Variants in MINDY3 observed in about 807,000 individuals in gnomAD.
MINDY3 encodes ubiquitin carboxyl-terminal hydrolase MINDY-3.
In MINDY3, 38 loss-of-function variants were observed where a neutral mutation model predicts 69.2. That is an observed-to-expected ratio of 0.55 (90% CI 0.42 to 0.72). The LOEUF (loss-of-function observed/expected upper bound fraction) is 0.72. Among genes scored for constraint, MINDY3 ranks in the 30% least tolerant of loss-of-function variants. The pLI is 0.00. For synonymous variants in MINDY3, 192 were observed against 180.1 expected, an observed-to-expected ratio of 1.07 and a Z score of -0.53; for missense variants, 522 against 519.0, an observed-to-expected ratio of 1.01 and a Z score of -0.06.
At position 15,834,622 on chromosome 10, in the gene MINDY3, G is replaced by C; in HGVS notation, c.577-6C>G. 6.3e-7 allele frequency: 1 copy of C among 1,596,910 alleles called. No homozygotes were observed. Among genetic ancestry groups the C allele is most frequent in the Non-Finnish European group, 8.6e-7 (1 of 1,166,070 alleles). ...TTTTTTATGTTTTCAATGCCCTAAA[G>C]AAACAGAATTCATTGACTTATTTTA... On this transcript the variant is annotated splice_region_variant and splice_polypyrimidine_tract_variant and intron_variant, in intron 6 of 14. Coordinates refer to ENST00000277632, the MANE Select transcript of MINDY3 (RefSeq NM_024948.4).
In MINDY3 at chr10:15,820,684, A is replaced by G. The variant is rs192019776; in HGVS notation, c.801+972T>C. On this transcript the variant is annotated intron_variant, in intron 9 of 14. Transcript: ENST00000277632. ...AATCCAATTTGATTATCATATGCATATCACCCAGTGTTCAAGTGAAACATG... is the reference window on the plus strand; with the variant it reads ...AATCCAATTTGATTATCATATGCATGTCACCCAGTGTTCAAGTGAAACATG... 1.5e-4 allele frequency among the ~76,000 whole-genome samples: 23 copies of G among 152,370 alleles called. 1 individual carries two copies. The East Asian group carries it at 2.1e-3, about 14-fold the overall frequency.
chr10:15,860,285 A>G lies in MINDY3; in HGVS notation c.15T>C (p.Thr5=). ...CCCACACCAGCTCCATCAGCTCTTT[A>G]GTCAGTTCGGACATGATGAGGAACC... MSEL[T]KELMELVWGT... is the part of the protein sequence containing the mutation. Residue 5 remains threonine (T), a synonymous_variant, in exon 1 of 15, where the codon ACT becomes ACC. Transcript: ENST00000277632. The G allele has an allele frequency of 6.2e-7, 1 of 1,606,722 alleles. No individual in the cohort carries two copies. Among genetic ancestry groups the G allele is most frequent in the Non-Finnish European group, 8.5e-7 (1 of 1,176,698 alleles).
chr10:15,821,774 G>A (rs779129875), intron 8 of MINDY3, 48 bp from the exon 9 acceptor site: 66 of 1,486,040 alleles, frequency 4.4e-5, no homozygotes, highest in Non-Finnish European at 5.6e-5. Context: ...TAGCATTGTA[G>A]TAGTGTGTAT....
chr10:15,811,509 A>G (rs191815058), intron 10 of MINDY3, among the ~76,000 whole-genome samples: 1 of 152,306 alleles, frequency 6.6e-6, no homozygotes, highest in Admixed American at 6.5e-5. Context: ...ATTCACTTCT[A>G]ACACAACACA....
At position 15,833,713 on chromosome 10, in the gene MINDY3, T is replaced by C. The variant is rs1269707662; in HGVS notation, c.651-4A>G. The C allele has an allele frequency of 1.3e-6, 2 of 1,580,062 alleles. No homozygotes were observed. The highest frequency in any genetic ancestry group is 1.1e-5 in the South Asian group (1 of 90,048). On this transcript the variant is annotated splice_region_variant and splice_polypyrimidine_tract_variant and intron_variant, in intron 7 of 14. Transcript: ENST00000277632. ...CAGGAGATTAATTAAACTTTGGCTA[T>C]TAATAAATATTAAAAAGCAATTAAA...
chr10:15,779,379 G>T (rs1022000463), intron 14 of MINDY3, among the ~76,000 whole-genome samples: 1 of 152,040 alleles, frequency 6.6e-6, no homozygotes, highest in Admixed American at 6.6e-5. Context: ...AAAAATTCAA[G>T]ATCATGTGAA....
intron 10 of MINDY3, among the ~76,000 whole-genome samples, chr10:15,803,594 T>C (rs901175797): frequency 1.3e-5 from 2 of 152,170 alleles, no homozygotes; most frequent in Non-Finnish European, 2.9e-5. Context: ...TTAGGTTCCA[T>C]ATGTAGTATA....
At chr10:15,798,797 C>CAA (rs1838037550) in intron 10 of MINDY3, among the ~76,000 whole-genome samples, 2 of 151,598 alleles carry the variant, frequency 1.3e-5, no homozygotes, top group African/African-American at 2.4e-5. Flanking sequence ...AACAAACAAA[C>CAA]AAAAAACCAC....
intron 1 of MINDY3, among the ~76,000 whole-genome samples, chr10:15,855,563 T>C (rs76946801): frequency 1.6e-4 from 24 of 152,100 alleles, no homozygotes; most frequent in African/African-American, 5.8e-4. Context: ...GAAAAATCTT[T>C]CTCATTTTCA....
At chr10:15,857,013 T>G (rs1185954918) in intron 1 of MINDY3, among the ~76,000 whole-genome samples, 2 of 152,146 alleles carry the variant, frequency 1.3e-5, no homozygotes, top group Non-Finnish European at 2.9e-5. Flanking sequence ...TCAAGTAGTA[T>G]CTCTCCTTTG....
intron 13 of MINDY3, among the ~76,000 whole-genome samples, chr10:15,785,263 C>T (rs900918831): frequency 6.6e-6 from 1 of 152,068 alleles, no homozygotes; most frequent in Non-Finnish European, 1.5e-5. Context: ...GAGAGGAACA[C>T]AGAGGCAACA....
rs55802471 is a variant in MINDY3, at chr10:15,784,062, C to T, written c.1117-1836G>A. On this transcript the variant is annotated intron_variant, in intron 13 of 14. Transcript: ENST00000277632. The stretch of plus-strand genomic sequence containing the variant: ...TCTTAAGTTCTCTAATCTTCAATTT[C>T]CTCATTGTCAAAAAATTCCTGAATC... Among the ~76,000 whole-genome samples, 608 of 152,214 alleles carry T rather than the reference C, an allele frequency of 4.0e-3. 1 individual carries two copies. The highest frequency in any genetic ancestry group is 0.014 in the Middle Eastern group (4 of 294).
At chr10:15,824,581 C>G (rs1839970478) in intron 8 of MINDY3, among the ~76,000 whole-genome samples, 1 of 152,112 alleles carries the variant, frequency 6.6e-6, no homozygotes, top group Non-Finnish European at 1.5e-5. Context: ...TAAATGGATA[C>G]TTCATATCTT....
rs1415702697 is a variant in MINDY3 at position 15,821,694 on chromosome 10, C to G, written c.763G>C (p.Gly255Arg). ...LLGIHEQAAV[G>R]FLTLMEALRY... The stretch of plus-strand genomic sequence containing the variant: ...AAAGCTTCCATTAGTGTTAAAAATC[C>G]TACTGCTGCTTGTTCATGTATACCA... Residue 255 changes from glycine (G) to arginine (R), a missense_variant, in exon 9 of 15, where the codon GGA becomes CGA. Transcript: ENST00000277632. The G allele has an allele frequency of 6.2e-7, 1 of 1,611,662 alleles. No homozygotes were observed. The highest frequency in any genetic ancestry group is 1.7e-5 in the Admixed American group (1 of 59,552).
At chr10:15,848,360 C>G (rs1834001723) in intron 1 of MINDY3, among the ~76,000 whole-genome samples, 1 of 152,128 alleles carries the variant, frequency 6.6e-6, no homozygotes, top group Non-Finnish European at 1.5e-5. Flanking sequence ...ATTGGCCGGG[C>G]ACAGTGGCTC....
At chr10:15,815,608 C>G (rs1308864429) in intron 10 of MINDY3, among the ~76,000 whole-genome samples, 3 of 152,126 alleles carry the variant, frequency 2.0e-5, no homozygotes, top group Non-Finnish European at 4.4e-5. Context: ...ATTCAGCAAC[C>G]TATCAAGTTA....
intron 14 of MINDY3, among the ~76,000 whole-genome samples, chr10:15,780,977 T>C (rs1836483302): frequency 6.6e-6 from 1 of 152,152 alleles, no homozygotes. Context: ...CTGTAAAATA[T>C]GGATAATATT....
intron 9 of MINDY3, 106 bp from the exon 10 acceptor site, chr10:15,817,021 A>G: frequency 1.2e-6 from 1 of 819,530 alleles, no homozygotes; most frequent in Admixed American, 2.3e-5. Context: ...TTTGTATTTA[A>G]CTGAAATAAT....
At chr10:15,800,816 C>T (rs1838204293) in intron 10 of MINDY3, among the ~76,000 whole-genome samples, 1 of 152,110 alleles carries the variant, frequency 6.6e-6, no homozygotes, top group African/African-American at 2.4e-5. Context: ...CCATACAAAC[C>T]TTCCGCTTTT....
Sources: gnomAD v4.1 joint callset for allele counts (sites outside exome capture counted in the v4.1 genomes callset) on GRCh38, gnomAD v4.1.1 for gene constraint, MANE v1.5 for transcripts, NCBI Gene and HGNC (gene_info 2026-07-23, HGNC 2026-07-21) for gene names.